PIP5K1B: variants seen among roughly 807,000 people sequenced by gnomAD.
PIP5K1B encodes phosphatidylinositol 4-phosphate 5-kinase type-1 beta.
In PIP5K1B, 42 loss-of-function variants were observed where a neutral mutation model predicts 67.0. That is an observed-to-expected ratio of 0.63 (90% CI 0.49 to 0.81). PIP5K1B has a LOEUF of 0.81. Among genes scored for constraint, PIP5K1B ranks in the 30% least tolerant of loss-of-function variants. The pLI is 0.00. For missense variants in PIP5K1B, 459 were observed against 646.3 expected (o/e 0.71, Z 3.14); for synonymous variants, 214 against 231.4 (o/e 0.92, Z 0.68).
chr9:68,810,269 G>A (rs1167234757), intron 2 of PIP5K1B, among the ~76,000 whole-genome samples: 1 of 152,202 alleles, frequency 6.6e-6, no homozygotes, highest in African/African-American at 2.4e-5. Flanking sequence ...TTCCAAAGAG[G>A]ATTTGAAGTG....
At chr9:68,970,351 C>T (rs1036261391) in intron 14 of PIP5K1B, among the ~76,000 whole-genome samples, 5 of 152,194 alleles carry the variant, frequency 3.3e-5, no homozygotes, top group Non-Finnish European at 7.3e-5. Context: ...CTTTTAGATG[C>T]GTATTCATTG....
chr9:68,719,792 C>T (rs1272004654), intron 1 of PIP5K1B, among the ~76,000 whole-genome samples: 2 of 152,196 alleles, frequency 1.3e-5, no homozygotes, highest in East Asian at 3.8e-4. Context: ...CAGAAACTCC[C>T]TCTCCTACAT....
intron 14 of PIP5K1B, among the ~76,000 whole-genome samples, chr9:68,955,260 C>A (rs1369497442): frequency 2.6e-5 from 4 of 152,184 alleles, no homozygotes; most frequent in African/African-American, 9.7e-5. Flanking sequence ...AGAAGGCATT[C>A]CAAAAGTGAC....
intron 14 of PIP5K1B, among the ~76,000 whole-genome samples, chr9:68,951,880 T>C (rs897064498): frequency 2.0e-5 from 3 of 152,184 alleles, no homozygotes; most frequent in Non-Finnish European, 4.4e-5. Flanking sequence ...GGCAATTACT[T>C]TGGTTTTTCT....
intron 2 of PIP5K1B, among the ~76,000 whole-genome samples, chr9:68,743,882 A>C (rs35213801): frequency 0.23 from 34,428 of 152,036 alleles, 3,985 homozygotes; most frequent in East Asian, 0.33. Context: ...TGGCCTTCTC[A>C]ACTGGGTGCC....
chr9:68,726,825 G>A (rs1340792034), intron 1 of PIP5K1B, among the ~76,000 whole-genome samples: 2 of 152,106 alleles, frequency 1.3e-5, no homozygotes, highest in Admixed American at 1.3e-4. Context: ...TTTGAATTTA[G>A]ATATTCAAAT....
At chr9:68,853,015 T>A (rs1056605942) in intron 4 of PIP5K1B, among the ~76,000 whole-genome samples, 2 of 152,108 alleles carry the variant, frequency 1.3e-5, no homozygotes, top group Non-Finnish European at 2.9e-5. Context: ...AGCAAAGAAT[T>A]TGGATTCATT....
intron 8 of PIP5K1B, among the ~76,000 whole-genome samples, chr9:68,914,125 G>A (rs918151460): frequency 4.6e-5 from 7 of 152,168 alleles, no homozygotes; most frequent in Admixed American, 4.6e-4. Context: ...ATGCTTTGCT[G>A]AGGAAAATGC....
intron 2 of PIP5K1B, among the ~76,000 whole-genome samples, chr9:68,802,689 T>C (rs925436816): frequency 6.6e-6 from 1 of 151,588 alleles, no homozygotes; most frequent in South Asian, 2.1e-4. Flanking sequence ...AGCCTGAGAG[T>C]GAAGGGGATG....
At chr9:68,740,139 G>C (rs1418846201) in intron 1 of PIP5K1B, among the ~76,000 whole-genome samples, 1 of 152,172 alleles carries the variant, frequency 6.6e-6, no homozygotes, top group African/African-American at 2.4e-5. Context: ...CCAGTTCTGT[G>C]TGGCCCAAGG....
Position 68,876,671 on chromosome 9 carries a change from C to T in PIP5K1B, c.201-6C>T. 6.8e-7 allele frequency: 1 copy of T among 1,473,854 alleles called. No individual in the cohort carries two copies. Among genetic ancestry groups the T allele is most frequent in the Non-Finnish European group, 9.5e-7 (1 of 1,052,716 alleles). 91.3% of individuals were successfully genotyped at this position (1,473,854 alleles called of 1,614,324 possible). A position where few individuals can be genotyped will look rare whatever the true frequency, so the allele number is the denominator to read the frequency against. ...TTTCTCTCTCTTTTTAATATTTTGA[C>T]TTCAGCGAAGGGAGCAATCTGACCC... On this transcript the variant is annotated splice_region_variant and splice_polypyrimidine_tract_variant and intron_variant, in intron 5 of 15. Coordinates refer to ENST00000265382, the MANE Select transcript of PIP5K1B (RefSeq NM_003558.4).
At chr9:68,716,334 T>C (rs971089899) in intron 1 of PIP5K1B, among the ~76,000 whole-genome samples, 2 of 152,194 alleles carry the variant, frequency 1.3e-5, no homozygotes, top group African/African-American at 4.8e-5. Context: ...GTCTGATCTC[T>C]CCCATCACAG....
intron 14 of PIP5K1B, among the ~76,000 whole-genome samples, chr9:68,943,722 T>A (rs1374331171): frequency 6.6e-6 from 1 of 152,174 alleles, no homozygotes; most frequent in Non-Finnish European, 1.5e-5. Flanking sequence ...ACATGTGAGA[T>A]TTTTCTCTTT....
chr9:68,865,452 G>C (rs1823310988), intron 5 of PIP5K1B, among the ~76,000 whole-genome samples: 2 of 152,078 alleles, frequency 1.3e-5, no homozygotes, highest in South Asian at 4.1e-4. Context: ...GGTCTCCAAA[G>C]GTCTCTACCC....
intron 8 of PIP5K1B, among the ~76,000 whole-genome samples, chr9:68,906,530 T>A (rs1233162946): frequency 6.6e-6 from 1 of 152,222 alleles, no homozygotes; most frequent in African/African-American, 2.4e-5. Context: ...ACTTTCTACA[T>A]GTATACATCA....
At chr9:68,937,652 G>T (rs1827335146) in intron 13 of PIP5K1B, among the ~76,000 whole-genome samples, 1 of 152,080 alleles carries the variant, frequency 6.6e-6, no homozygotes. Flanking sequence ...GCTAGATTTT[G>T]AATTTGTTTG....
chr9:68,789,147 AC>A (rs1331945581), intron 2 of PIP5K1B: 1 of 580,758 alleles, frequency 1.7e-6, no homozygotes, highest in Non-Finnish European at 3.4e-6. Flanking sequence ...GGTGTATTTC[AC>A]CCCAGTACCT....
chr9:68,920,765 G>GTCTC (rs763092380), intron 11 of PIP5K1B, among the ~76,000 whole-genome samples: 112 of 145,430 alleles, frequency 7.7e-4, no homozygotes, highest in Middle Eastern at 3.4e-3. Flanking sequence ...TTCCGTCTCT[G>GTCTC]TCTCTCTGTC....
intron 14 of PIP5K1B, among the ~76,000 whole-genome samples, chr9:68,961,786 G>A (rs1828763081): frequency 2.0e-5 from 3 of 152,130 alleles, no homozygotes; most frequent in Admixed American, 2.0e-4. Context: ...TGTGACTAAT[G>A]ATCCCCAATC....
Sources: allele counts gnomAD v4.1 joint callset (sites outside exome capture counted in the v4.1 genomes callset), GRCh38; gene constraint gnomAD v4.1.1; transcripts MANE v1.5; gene names NCBI Gene and HGNC (gene_info 2026-07-23, HGNC 2026-07-21).